Variants in ELL2 observed in about 807,000 individuals in gnomAD.
ELL2 encodes the protein RNA polymerase II elongation factor ELL2.
ELL2 carries 21 observed loss-of-function variants against 72.8 expected under a neutral mutation model. The ratio of observed to expected loss-of-function variants is 0.29; its 90% CI spans 0.20 to 0.42. The LOEUF (loss-of-function observed/expected upper bound fraction) is 0.42. Ranked by LOEUF, ELL2 falls within the 10% of genes least tolerant of loss-of-function variation. The pLI, the probability that ELL2 is intolerant of heterozygous loss-of-function variation, is 1.00. For synonymous variants in ELL2, 266 were observed against 283.2 expected, an observed-to-expected ratio of 0.94 and a Z score of 0.61; for missense variants, 568 against 772.8, an observed-to-expected ratio of 0.73 and a Z score of 3.14.
At chr5:95,939,832 T>C (rs1195443374) in intron 2 of ELL2, among the ~76,000 whole-genome samples, 2 of 152,238 alleles carry the variant, frequency 1.3e-5, no homozygotes, top group Non-Finnish European at 2.9e-5. Flanking sequence ...GGGTGCATTA[T>C]ACCATTATAC....
chr5:95,953,670 A>G (rs930453565), intron 1 of ELL2, among the ~76,000 whole-genome samples: 1 of 137,154 alleles, frequency 7.3e-6, no homozygotes, highest in Non-Finnish European at 1.5e-5. Context: ...AGTTTTATGC[A>G]CTCATGATTC....
intron 5 of ELL2, among the ~76,000 whole-genome samples, chr5:95,901,459 T>G (rs1169026624): frequency 1.3e-5 from 2 of 152,234 alleles, no homozygotes; most frequent in Non-Finnish European, 2.9e-5. Context: ...CCCCAGTCGA[T>G]GCCTAAAAAC....
chr5:95,889,306 C>T (rs776861735), intron 10 of ELL2, among the ~76,000 whole-genome samples, 176 bp from the exon 11 acceptor site: 12 of 152,122 alleles, frequency 7.9e-5, no homozygotes, highest in Admixed American at 1.3e-4. Flanking sequence ...AATGCAAAAT[C>T]GACTCAGCAA....
intron 8 of ELL2, 110 bp from the exon 9 acceptor site, chr5:95,895,801 A>G (rs1462672293): frequency 1.0e-5 from 9 of 870,482 alleles, no homozygotes; most frequent in African/African-American, 1.7e-5. Flanking sequence ...CTCAAATTCT[A>G]TTCTTCCATC....
In ELL2 at chr5:95,887,675, G is replaced by A. The variant is rs1748509491; in HGVS notation, c.*1196C>T. On this transcript the variant is annotated 3_prime_UTR_variant, in exon 12 of 12. Transcript: ENST00000237853. Reference sequence around the variant, plus strand: ...AGTTTGTGCTGTTTGATGAATCACAGTATGTTATGGTTAAATATATCCACT... The same window carrying A: ...AGTTTGTGCTGTTTGATGAATCACAATATGTTATGGTTAAATATATCCACT... 6.6e-6 allele frequency: 1 copy of A among 152,456 alleles called. No individual in the cohort carries two copies. Among genetic ancestry groups the A allele is most frequent in the African/African-American group, 2.4e-5 (1 of 41,388 alleles). The allele number at this position is 152,456 out of a possible 1,614,324, so 9.4% of individuals were successfully genotyped here. A position where few individuals can be genotyped will look rare whatever the true frequency, so the allele number is the denominator to read the frequency against.
At chr5:95,935,161 A>C (rs58921760) in intron 2 of ELL2, among the ~76,000 whole-genome samples, 48,646 of 151,670 alleles carry the variant, frequency 0.32, 9,069 homozygotes, top group African/African-American at 0.53. Flanking sequence ...ATAATTTTAT[A>C]ATATACATAA....
intron 4 of ELL2, among the ~76,000 whole-genome samples, chr5:95,907,296 A>ATATATATATATATTTTTT: frequency 1.7e-5 from 2 of 116,494 alleles, no homozygotes; most frequent in Non-Finnish European, 1.6e-5. Flanking sequence ...ATATATATAT[A>ATATATATATATATTTTTT]TTTTTTTTTT....
At chr5:95,933,755 T>C (rs1421020346) in intron 2 of ELL2, among the ~76,000 whole-genome samples, 1 of 152,044 alleles carries the variant, frequency 6.6e-6, no homozygotes, top group Non-Finnish European at 1.5e-5. Context: ...ATACTTGCCC[T>C]TTGACCAATT....
In ELL2 at chr5:95,898,309, T is replaced by C; in HGVS notation, c.1456A>G (p.Lys486Glu). 1 of 1,613,092 alleles carries C rather than the reference T, an allele frequency of 6.2e-7. No homozygotes were observed. Among genetic ancestry groups the C allele is most frequent in the Admixed American group, 1.7e-5 (1 of 59,792 alleles). ...TCTTCTCTCTTAAGATCTTCCTCCT[T>C]TTCCTCAATAGTCTCAATGTCGTGC... ...KKHDIETIEE[K>E]EEDLKREEEI... The change falls in exon 8 of 12, where the codon AAG (lysine) becomes GAG (glutamate). Residue 486 changes from lysine to glutamate, a missense_variant. Around this residue, in one of 2 missense-constraint regions of ELL2, gnomAD observed 511 missense variants for 728.4 expected, o/e 0.70. Coordinates refer to ENST00000237853, the MANE Select transcript of ELL2 (RefSeq NM_012081.6).
At chr5:95,939,947 A>G (rs1750910939) in intron 2 of ELL2, among the ~76,000 whole-genome samples, 1 of 152,240 alleles carries the variant, frequency 6.6e-6, no homozygotes, top group Admixed American at 6.5e-5. Flanking sequence ...TTATAATCCT[A>G]GTAAACCTTT....
intron 10 of ELL2, among the ~76,000 whole-genome samples, chr5:95,890,782 A>T (rs1748631661): frequency 6.6e-6 from 1 of 152,214 alleles, no homozygotes; most frequent in Non-Finnish European, 1.5e-5. Flanking sequence ...CTGTAGTCTA[A>T]GTTGGCAGTG....
At chr5:95,938,576 T>C (rs528976075) in intron 2 of ELL2, among the ~76,000 whole-genome samples, 1 of 152,118 alleles carries the variant, frequency 6.6e-6, no homozygotes, top group African/African-American at 2.4e-5. Context: ...AACAAAAAAT[T>C]AGCCAGTCAT....
At position 95,898,091 on chromosome 5, in the gene ELL2, G is replaced by GAAAA. The variant is rs61457748; in HGVS notation, c.1525+145_1525+148dup. On this transcript the variant is annotated intron_variant, in intron 8 of 11. Coordinates refer to ENST00000237853, the MANE Select transcript of ELL2 (RefSeq NM_012081.6). ...AGATGGAAAACAACTGCTGTAAAAT[G>GAAAA]AAAAAAAAAAAAAAAAACTGCTCAA... 135 of 441,180 alleles carry GAAAA rather than the reference G, an allele frequency of 3.1e-4. 1 individual carries two copies. The highest frequency in any genetic ancestry group is 1.8e-3 in the African/African-American group (76 of 41,190). 27.3% of individuals were successfully genotyped at this position (441,180 alleles called of 1,614,324 possible).
intron 1 of ELL2, among the ~76,000 whole-genome samples, chr5:95,955,912 A>G (rs953000898): frequency 1.3e-5 from 2 of 152,140 alleles, no homozygotes; most frequent in Non-Finnish European, 2.9e-5. Context: ...GAAAAGGGTC[A>G]TCACAAATTG....
At chr5:95,936,610 G>A (rs749922715) in intron 2 of ELL2, among the ~76,000 whole-genome samples, 11 of 152,036 alleles carry the variant, frequency 7.2e-5, no homozygotes, top group Non-Finnish European at 1.0e-4. Context: ...TAGGGAGACC[G>A]TGTCTCTTCA....
At chr5:95,914,361 C>G (rs1473924707) in intron 3 of ELL2, among the ~76,000 whole-genome samples, 2 of 152,100 alleles carry the variant, frequency 1.3e-5, no homozygotes, top group East Asian at 3.8e-4. Flanking sequence ...ACTCACCACA[C>G]ATTCTTTTTT....
chr5:95,894,336 C>T (rs1580478433), intron 9 of ELL2, among the ~76,000 whole-genome samples: 1 of 152,140 alleles, frequency 6.6e-6, no homozygotes, highest in East Asian at 1.9e-4. Context: ...TTAGTTTCCC[C>T]ACATGATTCT....
intron 2 of ELL2, among the ~76,000 whole-genome samples, chr5:95,935,507 T>C (rs1244055316): frequency 2.0e-5 from 3 of 152,222 alleles, no homozygotes; most frequent in Admixed American, 1.3e-4. Context: ...CAGAATTTCA[T>C]CTGTAAATCT....
At chr5:95,958,861 GCAAA>G (rs1309181321) in intron 1 of ELL2, among the ~76,000 whole-genome samples, 1 of 152,064 alleles carries the variant, frequency 6.6e-6, no homozygotes, top group African/African-American at 2.4e-5. Context: ...GCAGTCAGAA[GCAAA>G]CAAAGACATT....
Sources: allele counts gnomAD v4.1 joint callset (sites outside exome capture counted in the v4.1 genomes callset), GRCh38; gene constraint gnomAD v4.1.1; regional missense constraint gnomAD v4.1.1; transcripts MANE v1.5; gene names NCBI Gene and HGNC (gene_info 2026-07-23, HGNC 2026-07-21).